The following DENND6A variants were observed in gnomAD, a reference collection of about 807,000 sequenced individuals.
DENND6A encodes DENN domain containing 6A.
DENND6A carries 43 observed loss-of-function variants against 95.5 expected under a neutral mutation model. That is an observed-to-expected ratio of 0.45 (90% confidence interval 0.35 to 0.58). The LOEUF (loss-of-function observed/expected upper bound fraction) is 0.58, where lower values mean the gene tolerates loss of function less well. Ranked by LOEUF, DENND6A falls within the 20% of genes least tolerant of loss-of-function variation. DENND6A has a pLI of 0.00. For synonymous variants in DENND6A, 257 were observed against 260.4 expected (o/e 0.99, Z 0.13); for missense variants, 574 against 736.0 (o/e 0.78, Z 2.55).
At chr3:57,633,147 TA>T in intron 15 of DENND6A, 117 bp downstream of exon 15, 2 of 834,962 alleles carry the variant, frequency 2.4e-6, no homozygotes, top group Non-Finnish European at 1.9e-6. Context: ...TTTTAATCAC[TA>T]AATATACCAG....
intron 3 of DENND6A, among the ~76,000 whole-genome samples, chr3:57,667,174 G>A (rs1162164081): frequency 6.6e-6 from 1 of 152,114 alleles, no homozygotes; most frequent in African/African-American, 2.4e-5. Flanking sequence ...GATTACAGGT[G>A]CGTGCCACCA....
chr3:57,653,602 C>T (rs748677297), intron 9 of DENND6A, among the ~76,000 whole-genome samples: 5 of 151,774 alleles, frequency 3.3e-5, no homozygotes, highest in Non-Finnish European at 5.9e-5. Flanking sequence ...AAAAATTAGC[C>T]GGATGTAGTG....
Position 57,660,699 on chromosome 3 carries a change from C to A in DENND6A, c.699+61G>T, listed in dbSNP as rs2071406579. On this transcript the variant is annotated intron_variant, in intron 7 of 19. Coordinates refer to ENST00000311128, the MANE Select transcript of DENND6A (RefSeq NM_152678.3). The stretch of plus-strand genomic sequence containing the variant: ...CTCCAGCCTGGGTGACAGCACAAGA[C>A]CCTGTCTCAAAAAAATAAAAATAAA... The A allele has an allele frequency of 3.4e-6, 5 of 1,454,696 alleles. No individual in the cohort carries two copies. In the South Asian group the frequency reaches 3.9e-5, roughly 11 times the overall value. The allele number at this position is 1,454,696 out of a possible 1,614,324, so 90.1% of individuals were successfully genotyped here. A position where few individuals can be genotyped will look rare whatever the true frequency, so the allele number is the denominator to read the frequency against.
rs1036983196 is a variant in DENND6A, at chr3:57,625,989, C to A, written c.*2225G>T. Reference sequence around the variant, plus strand: ...TAAATTGTACAATTATTAAAATATACCTTTTTGAAAAATAATAAGATGACC... The same window carrying A: ...TAAATTGTACAATTATTAAAATATAACTTTTTGAAAAATAATAAGATGACC... On this transcript the variant is annotated 3_prime_UTR_variant, in exon 20 of 20. Transcript: ENST00000311128. 6.6e-5 allele frequency: 10 copies of A among 152,570 alleles called. No homozygotes were observed. The highest frequency in any genetic ancestry group is 1.3e-4 in the Non-Finnish European group (9 of 68,032). The allele number at this position is 152,570 out of a possible 1,614,324, so 9.5% of individuals were successfully genotyped here. A position where few individuals can be genotyped will look rare whatever the true frequency, so the allele number is the denominator to read the frequency against.
rs762958196 is a variant in DENND6A, at chr3:57,672,390, T to G, written c.276+10A>C. The G allele has an allele frequency of 1.2e-5, 19 of 1,612,872 alleles. No individual in the cohort carries two copies. The highest frequency in any genetic ancestry group is 1.6e-5 in the Non-Finnish European group (19 of 1,179,336). On this transcript the variant is annotated intron_variant, in intron 2 of 19. Transcript: ENST00000311128. ...AACAGTAAACTATACAGAGCAGTAT[T>G]TTTACTTACTTCTCTGTCAGTAAGT...
At chr3:57,645,444 G>C (rs2071059299) in intron 11 of DENND6A, among the ~76,000 whole-genome samples, 1 of 152,176 alleles carries the variant, frequency 6.6e-6, no homozygotes, top group Non-Finnish European at 1.5e-5. Context: ...CTGGGCGACA[G>C]AGCAAACCTC....
At chr3:57,672,179 C>T in intron 3 of DENND6A, 77 bp downstream of exon 3, 1 of 1,342,706 alleles carries the variant, frequency 7.4e-7, no homozygotes, top group Admixed American at 2.4e-5. Flanking sequence ...CTATTTCAAT[C>T]AATTTTCATA....
At chr3:57,675,884 C>A (rs1431292891) in intron 1 of DENND6A, among the ~76,000 whole-genome samples, 2 of 152,278 alleles carry the variant, frequency 1.3e-5, no homozygotes, top group East Asian at 3.9e-4. Flanking sequence ...GGTAGTAATG[C>A]CTCTCTCATG....
intron 9 of DENND6A, among the ~76,000 whole-genome samples, chr3:57,656,618 T>C (rs891376943): frequency 1.3e-5 from 2 of 151,746 alleles, no homozygotes; most frequent in Non-Finnish European, 2.9e-5. Flanking sequence ...AACTAACCAA[T>C]CTTTTGAAGC....
chr3:57,684,406 T>C lies in DENND6A; in HGVS notation c.237+8376A>G, dbSNP rs553609639. 3.3e-5 allele frequency among the ~76,000 whole-genome samples: 5 copies of C among 150,400 alleles called. No homozygotes were observed. In the South Asian group the frequency reaches 1.1e-3, roughly 32 times the overall value. ...GGAACTTGGGAATCAGAGGTTGCGGTGAGCTGAGATCGTGCCACTGCACTC... is the reference window on the plus strand; with the variant it reads ...GGAACTTGGGAATCAGAGGTTGCGGCGAGCTGAGATCGTGCCACTGCACTC... On this transcript the variant is annotated intron_variant, in intron 1 of 19. Transcript: ENST00000311128.
intron 9 of DENND6A, among the ~76,000 whole-genome samples, chr3:57,652,034 C>T (rs940773495): frequency 9.2e-5 from 14 of 152,106 alleles, no homozygotes; most frequent in Admixed American, 2.6e-4. Context: ...ACCCTCTCTA[C>T]AAAAATAATA....
At chr3:57,667,805 C>G (rs757994741) in intron 3 of DENND6A, among the ~76,000 whole-genome samples, 1 of 152,182 alleles carries the variant, frequency 6.6e-6, no homozygotes, top group Non-Finnish European at 1.5e-5. Context: ...GTGGCTCACG[C>G]CCGTAATCCC....
chr3:57,667,479 G>C (rs988454182), intron 3 of DENND6A, among the ~76,000 whole-genome samples: 1 of 151,994 alleles, frequency 6.6e-6, no homozygotes, highest in Non-Finnish European at 1.5e-5. Flanking sequence ...TTTTATATTT[G>C]TACAAACATA....
chr3:57,634,360 G>A (rs554406309), intron 14 of DENND6A, among the ~76,000 whole-genome samples, 198 bp downstream of exon 14: 22 of 151,634 alleles, frequency 1.5e-4, no homozygotes, highest in Middle Eastern at 3.4e-3. Context: ...TTGAACCCGG[G>A]AGGTGGAGGT....
intron 15 of DENND6A, among the ~76,000 whole-genome samples, chr3:57,631,830 C>T (rs1476025554): frequency 1.4e-5 from 2 of 143,020 alleles, no homozygotes; most frequent in Non-Finnish European, 3.0e-5. Flanking sequence ...TCATGCCATT[C>T]TCCTGCCTCA....
chr3:57,664,131 T>C (rs141181285), intron 4 of DENND6A, among the ~76,000 whole-genome samples: 254 of 152,342 alleles, frequency 1.7e-3, no homozygotes, highest in African/African-American at 5.7e-3. Context: ...TTCTCCAATG[T>C]TTTATTTAGT....
rs147182087 is a variant in DENND6A, at chr3:57,689,503, G to A, written c.237+3279C>T. ...CCAGAGCCACTTCAGGGGAAAAGAAGCTCAGCACACCCCCTGCAGTCAACA... is the reference window on the plus strand; with the variant it reads ...CCAGAGCCACTTCAGGGGAAAAGAAACTCAGCACACCCCCTGCAGTCAACA... On this transcript the variant is annotated intron_variant, in intron 1 of 19. Coordinates refer to ENST00000311128, the MANE Select transcript of DENND6A (RefSeq NM_152678.3). Among the ~76,000 whole-genome samples the A allele has an allele frequency of 4.6e-4, 70 of 152,240 alleles. 1 individual carries two copies. Among genetic ancestry groups the A allele is most frequent in the African/African-American group, 1.7e-3 (69 of 41,554 alleles).
chr3:57,642,944 T>TGCAGTG (rs2153413452), intron 11 of DENND6A, among the ~76,000 whole-genome samples: 1 of 148,956 alleles, frequency 6.7e-6, no homozygotes, highest in Non-Finnish European at 1.5e-5. Flanking sequence ...AGGTGGAGGT[T>TGCAGTG]GCAGTGAGCC....
At chr3:57,644,766 GT>G (rs1268968140) in intron 11 of DENND6A, among the ~76,000 whole-genome samples, 9 of 3,970 alleles carry the variant, frequency 2.3e-3, no homozygotes, top group Non-Finnish European at 3.3e-3. Context: ...GAGGGGAGGG[GT>G]GAGGAGGGGA....
Sources: gnomAD v4.1 joint callset for allele counts (sites outside exome capture counted in the v4.1 genomes callset) on GRCh38, gnomAD v4.1.1 for gene constraint, MANE v1.5 for transcripts, NCBI Gene and HGNC (gene_info 2026-07-23, HGNC 2026-07-21) for gene names.